METTL25: variants seen among roughly 807,000 people sequenced by gnomAD.
The protein encoded by METTL25 is probable methyltransferase-like protein 25.
A neutral mutation model predicts 71.6 loss-of-function variants in METTL25; 64 were observed. The observed-to-expected ratio is 0.89, with a 90% confidence interval of 0.73 to 1.10. The LOEUF is 1.10. Ranked by LOEUF, METTL25 falls within the 50% of genes least tolerant of loss-of-function variation. The probability of loss-of-function intolerance (pLI) is 0.00; values close to 1 mark genes in which losing one functional copy is unlikely to be tolerated. For missense variants in METTL25, 807 were observed against 707.0 expected, an observed-to-expected ratio of 1.14 and a Z score of -1.60; for synonymous variants, 287 against 250.3, an observed-to-expected ratio of 1.15 and a Z score of -1.38.
At chr12:82,415,849 T>C (rs1175276037) in intron 5 of METTL25, among the ~76,000 whole-genome samples, 4 of 152,154 alleles carry the variant, frequency 2.6e-5, no homozygotes, top group African/African-American at 9.6e-5. Flanking sequence ...TTTAACCAGA[T>C]ATCCGGGCAT....
At chr12:82,465,269 G>T (rs1208515055) in intron 9 of METTL25, among the ~76,000 whole-genome samples, 4 of 151,780 alleles carry the variant, frequency 2.6e-5, no homozygotes, top group Admixed American at 1.3e-4. Flanking sequence ...TTATGTTGAG[G>T]TATGTTTCTT....
intron 1 of METTL25, among the ~76,000 whole-genome samples, chr12:82,384,039 T>TAAG (rs1294284666): frequency 6.6e-6 from 1 of 152,028 alleles, no homozygotes; most frequent in East Asian, 1.9e-4. Flanking sequence ...ACATAAAAAG[T>TAAG]AAGAGTAAGT....
At chr12:82,369,643 A>T (rs1192969515) in intron 1 of METTL25, 2 of 273,152 alleles carry the variant, frequency 7.3e-6, no homozygotes, top group East Asian at 2.5e-4. Flanking sequence ...GAAAGAACAA[A>T]GCTTCCACAG....
intron 5 of METTL25, chr12:82,407,899 C>T: frequency 1.0e-6 from 1 of 984,658 alleles, no homozygotes; most frequent in Non-Finnish European, 1.2e-6. Context: ...CTCTTTCCAA[C>T]ACTCCATCTC....
Position 82,389,907 on chromosome 12 carries a change from C to T in METTL25, c.516C>T (p.Tyr172=). ...MSELISSIAD[Y]YGIKQVIDLG... ...AGCTGATCAGCAGTATTGCTGACTACTATGGAATAAAGCAGGTAAGAGTAT... is the reference window on the plus strand; with the variant it reads ...AGCTGATCAGCAGTATTGCTGACTATTATGGAATAAAGCAGGTAAGAGTAT... The change falls in exon 3 of 12, where the codon TAC becomes TAT. Residue 172 remains tyrosine (Y), a synonymous_variant. Coordinates refer to ENST00000248306, the MANE Select transcript of METTL25 (RefSeq NM_032230.3). 1 of 1,557,668 alleles carries T rather than the reference C, an allele frequency of 6.4e-7. No individual in the cohort carries two copies. The highest frequency in any genetic ancestry group is 1.1e-5 in the South Asian group (1 of 88,464).
In METTL25 at chr12:82,403,088, T is replaced by TG. The variant is rs1222688221; in HGVS notation, c.1238dup (p.Cys413TrpfsTer7). The TG allele has an allele frequency of 8.7e-6, 14 of 1,613,198 alleles. No homozygotes were observed. The highest frequency in any genetic ancestry group is 1.2e-5 in the Non-Finnish European group (14 of 1,179,574). On this transcript the variant is annotated frameshift_variant, in exon 5 of 12. Transcript: ENST00000248306. LOFTEE classifies it high-confidence loss of function. ...CAAGGGAGTTTGCAGTGTGGGTTGT[T>TG]GCTACCACCTCTTATCTGAAGAATT...
rs554677638 is a variant in METTL25 at position 82,426,612 on chromosome 12, G to A, written c.1280-4281G>A. 1.2e-4 allele frequency among the ~76,000 whole-genome samples: 18 copies of A among 152,078 alleles called. No individual in the cohort carries two copies. The South Asian group carries it at 1.5e-3, about 12-fold the overall frequency. On this transcript the variant is annotated intron_variant, in intron 5 of 11. Transcript: ENST00000248306. ...AGCTTTATGTGTTCTAAGGGAGACC[G>A]TAACCCTCCTTCAGCCTCATAATCT...
chr12:82,421,940 G>A (rs1340877385), intron 5 of METTL25, among the ~76,000 whole-genome samples: 9 of 152,152 alleles, frequency 5.9e-5, no homozygotes, highest in South Asian at 2.1e-4. Flanking sequence ...AGGACCTGAC[G>A]GATTCACAGC....
At chr12:82,401,575 G>A (rs541546412) in intron 4 of METTL25, among the ~76,000 whole-genome samples, 139 of 151,972 alleles carry the variant, frequency 9.1e-4, no homozygotes, top group African/African-American at 3.2e-3. Flanking sequence ...TCCCGAGACT[G>A]TGCTCTTAAT....
intron 1 of METTL25, 48 bp from the exon 2 acceptor site, chr12:82,386,751 CTAAT>C (rs1885063373): frequency 7.3e-7 from 1 of 1,362,312 alleles, no homozygotes; most frequent in African/African-American, 1.4e-5. Flanking sequence ...TAATATCACA[CTAAT>C]TAACCATTAA....
intron 5 of METTL25, among the ~76,000 whole-genome samples, chr12:82,414,490 TAGAA>T (rs2137072468): frequency 6.6e-6 from 1 of 152,284 alleles, no homozygotes; most frequent in African/African-American, 2.4e-5. Flanking sequence ...TTGCGACTAA[TAGAA>T]AGTGGTTTTT....
At chr12:82,469,078 C>G (rs1201238789) in intron 9 of METTL25, 2 of 152,190 alleles carry the variant, frequency 1.3e-5, no homozygotes, top group Non-Finnish European at 2.9e-5. Context: ...TTCAAATTGC[C>G]TTTGACATAA....
intron 7 of METTL25, among the ~76,000 whole-genome samples, chr12:82,437,913 A>G (rs1173779560): frequency 2.6e-5 from 4 of 151,718 alleles, no homozygotes; most frequent in African/African-American, 7.3e-5. Context: ...TTCCTATACT[A>G]TCAATATCGA....
rs766762121 is a variant in METTL25, at chr12:82,452,697, C to A, written c.1479-4030C>A. The stretch of plus-strand genomic sequence containing the variant: ...AATACCAAGCCTTCTAGAAATTGGT[C>A]TCATATCATGCAAAAGTAACCTTTA... On this transcript the variant is annotated intron_variant, in intron 8 of 11. Coordinates refer to ENST00000248306, the MANE Select transcript of METTL25 (RefSeq NM_032230.3). Among the ~76,000 whole-genome samples, 8 of 152,206 alleles carry A rather than the reference C, an allele frequency of 5.3e-5. No individual in the cohort carries two copies. In the Middle Eastern group the frequency reaches 0.01, roughly 194 times the overall value.
intron 9 of METTL25, among the ~76,000 whole-genome samples, chr12:82,466,807 A>G (rs1387271050): frequency 6.6e-6 from 1 of 152,030 alleles, no homozygotes; most frequent in African/African-American, 2.4e-5. Context: ...AAATTGTCAT[A>G]TTCTTTTGCT....
In METTL25 at chr12:82,452,145, A is replaced by G. The variant is rs531165830; in HGVS notation, c.1479-4582A>G. ...TAAAACATTATTGGACCAAAATGCC[A>G]TAAATGATACTCTCAAGAAACTGTA... On this transcript the variant is annotated intron_variant, in intron 8 of 11. Coordinates refer to ENST00000248306, the MANE Select transcript of METTL25 (RefSeq NM_032230.3). Among the ~76,000 whole-genome samples the G allele has an allele frequency of 9.8e-5, 15 of 152,308 alleles. No homozygotes were observed. The East Asian group carries it at 2.9e-3, about 29-fold the overall frequency.
intron 4 of METTL25, among the ~76,000 whole-genome samples, chr12:82,402,415 C>A (rs1180114327): frequency 1.3e-5 from 2 of 151,920 alleles, no homozygotes; most frequent in Non-Finnish European, 2.9e-5. Context: ...TCTAGAAATA[C>A]ATGTTACATT....
At chr12:82,361,087 C>G (rs369250286) in intron 1 of METTL25, among the ~76,000 whole-genome samples, 1 of 152,106 alleles carries the variant, frequency 6.6e-6, no homozygotes, top group Non-Finnish European at 1.5e-5. Flanking sequence ...TCTTATCTGA[C>G]CCCACCCACA....
At chr12:82,460,033 G>C (rs1891759102) in intron 9 of METTL25, 1 of 152,140 alleles carries the variant, frequency 6.6e-6, no homozygotes, top group Non-Finnish European at 1.5e-5. Context: ...TAGTTCTTAA[G>C]CCAATTATGT....
Sources: allele counts gnomAD v4.1 joint callset (sites outside exome capture counted in the v4.1 genomes callset), GRCh38; gene constraint gnomAD v4.1.1; transcripts MANE v1.5; gene names NCBI Gene and HGNC (gene_info 2026-07-23, HGNC 2026-07-21).